The following TCF7L2 variants were observed in gnomAD, a reference collection of about 807,000 sequenced individuals.
TCF7L2 encodes the protein transcription factor 7-like 2.
In TCF7L2, 23 loss-of-function variants were observed where a neutral mutation model predicts 77.9. That is an observed-to-expected ratio of 0.30 (90% CI 0.21 to 0.42). The LOEUF (loss-of-function observed/expected upper bound fraction) is 0.42, where lower values mean the gene tolerates loss of function less well. Among genes scored for constraint, TCF7L2 ranks in the 10% least tolerant of loss-of-function variants. The pLI is 1.00. For synonymous variants in TCF7L2, 413 were observed against 340.2 expected (o/e 1.21, Z -2.36); for missense variants, 654 against 793.1 (o/e 0.82, Z 2.11).
chr10:113,056,920 C>T (rs2055483795), intron 5 of TCF7L2, among the ~76,000 whole-genome samples: 2 of 152,150 alleles, frequency 1.3e-5, no homozygotes, highest in Non-Finnish European at 2.9e-5. Context: ...GCGGTCTCAT[C>T]CAAACATCTC....
chr10:112,989,665 G>T (rs2042177978), intron 4 of TCF7L2, among the ~76,000 whole-genome samples: 1 of 152,204 alleles, frequency 6.6e-6, no homozygotes, highest in African/African-American at 2.4e-5. Flanking sequence ...TTGCTATGGT[G>T]AGGATGGCAG....
Position 112,966,209 on chromosome 10 carries a change from T to TATATA in TCF7L2, c.450+1587_450+1588insATAAT, listed in dbSNP as rs1305413204. On this transcript the variant is annotated intron_variant, in intron 4 of 13. Transcript: ENST00000627217. ...TTATATATATATATATATATATATA[T>TATATA]ATTTTCTTTTCTTGATTACTTCTGC... is the stretch of plus-strand genomic sequence containing the variant. Among the ~76,000 whole-genome samples the TATATA allele has an allele frequency of 6.0e-4, 79 of 131,486 alleles. 1 individual carries two copies. The highest frequency in any genetic ancestry group is 7.5e-4 in the Non-Finnish European group (45 of 60,030). 86.3% of individuals were successfully genotyped at this position (131,486 alleles called of 152,430 possible). A position where few individuals can be genotyped will look rare whatever the true frequency, so the allele number is the denominator to read the frequency against.
At chr10:113,141,547 T>TA (rs1202665934) in intron 6 of TCF7L2, among the ~76,000 whole-genome samples, 2 of 152,192 alleles carry the variant, frequency 1.3e-5, no homozygotes, top group African/African-American at 4.8e-5. Flanking sequence ...TTTGCAGTGT[T>TA]AAAGATCTCT....
chr10:112,984,566 TAA>T (rs957241769), intron 4 of TCF7L2, among the ~76,000 whole-genome samples: 1 of 151,108 alleles, frequency 6.6e-6, no homozygotes, highest in East Asian at 1.9e-4. Flanking sequence ...CCCCTCCCTC[TAA>T]AAAAAAATTA....
At chr10:113,041,091 C>T (rs532170886) in intron 5 of TCF7L2, among the ~76,000 whole-genome samples, 27 of 152,252 alleles carry the variant, frequency 1.8e-4, no homozygotes, top group African/African-American at 6.5e-4. Context: ...TGCATTCTGC[C>T]ATTTTGGGCT....
At chr10:113,154,820 T>A (rs2071509983) in intron 11 of TCF7L2, among the ~76,000 whole-genome samples, 1 of 152,196 alleles carries the variant, frequency 6.6e-6, no homozygotes, top group South Asian at 2.1e-4. Flanking sequence ...CTTTATCTCT[T>A]GTAAGAGGTA....
intron 4 of TCF7L2, among the ~76,000 whole-genome samples, chr10:113,000,073 A>T: frequency 6.6e-6 from 1 of 152,220 alleles, no homozygotes; most frequent in East Asian, 1.9e-4. Context: ...GAAGATGTTC[A>T]TTAGGATATT....
At chr10:113,070,478 G>A (rs1008428364) in intron 5 of TCF7L2, among the ~76,000 whole-genome samples, 1 of 151,750 alleles carries the variant, frequency 6.6e-6, no homozygotes, top group East Asian at 1.9e-4. Flanking sequence ...GCTTGCTATG[G>A]CCCATCTGCG....
At chr10:113,024,262 C>T (rs2048734820) in intron 4 of TCF7L2, among the ~76,000 whole-genome samples, 1 of 152,066 alleles carries the variant, frequency 6.6e-6, no homozygotes, top group Non-Finnish European at 1.5e-5. Context: ...CATGCCACTG[C>T]ACTCCATCCA....
intron 5 of TCF7L2, among the ~76,000 whole-genome samples, chr10:113,076,522 TA>T (rs2058719421): frequency 6.6e-6 from 1 of 152,238 alleles, no homozygotes. Context: ...TTATTTGTTT[TA>T]AGTTATAGCT....
At chr10:112,952,317 CA>C (rs2031927627) in intron 3 of TCF7L2, among the ~76,000 whole-genome samples, 1 of 152,178 alleles carries the variant, frequency 6.6e-6, no homozygotes, top group Non-Finnish European at 1.5e-5. Flanking sequence ...GGTCCCACCG[CA>C]AACTTGGGGG....
chr10:113,146,544 C>T (rs1381218553), intron 8 of TCF7L2, among the ~76,000 whole-genome samples: 1 of 151,788 alleles, frequency 6.6e-6, no homozygotes, highest in East Asian at 1.9e-4. Flanking sequence ...GAAGGTAGCA[C>T]TGTCCAATAG....
intron 4 of TCF7L2, among the ~76,000 whole-genome samples, chr10:113,026,361 A>G (rs1212979360): frequency 6.7e-6 from 1 of 150,126 alleles, no homozygotes; most frequent in Admixed American, 6.6e-5. Flanking sequence ...GAGTTTCAAC[A>G]AGTTGGTCAG....
chr10:113,011,978 T>G (rs976199417), intron 4 of TCF7L2, among the ~76,000 whole-genome samples: 3 of 152,200 alleles, frequency 2.0e-5, no homozygotes, highest in African/African-American at 7.2e-5. Context: ...CTCTTGAGCT[T>G]TACCGCCTCA....
rs372430859 is a variant in TCF7L2 at position 113,151,684 on chromosome 10, G to A, written c.1002-41G>A. 118 of 1,547,038 alleles carry A rather than the reference G, an allele frequency of 7.6e-5. 1 individual carries two copies. In the Middle Eastern group the frequency reaches 1.0e-3, roughly 14 times the overall value. On this transcript the variant is annotated intron_variant, in intron 9 of 13. Coordinates refer to ENST00000627217, the MANE Select transcript of TCF7L2 (RefSeq NM_001146274.2). This position sits in a 1 kb window ranked among gnomAD's most constrained non-coding sequence, Gnocchi z 5.2. The stretch of plus-strand genomic sequence containing the variant: ...CCTGCCATGGAGGAAGTTGGACCAC[G>A]ACCTTGTTTATTGGGTTGCGTCTGT...
At chr10:113,028,564 A>G (rs148899946) in intron 4 of TCF7L2, among the ~76,000 whole-genome samples, 66 of 152,276 alleles carry the variant, frequency 4.3e-4, no homozygotes, top group African/African-American at 1.6e-3. Flanking sequence ...ACAAAAGGAA[A>G]ACGCAGCACG....
At chr10:113,088,117 C>T (rs1278670352) in intron 5 of TCF7L2, among the ~76,000 whole-genome samples, 5 of 151,978 alleles carry the variant, frequency 3.3e-5, no homozygotes, top group African/African-American at 1.2e-4. Flanking sequence ...TTACAATGAA[C>T]ATAAAGGGCA....
chr10:112,953,145 A>C (rs1305696058), intron 3 of TCF7L2, among the ~76,000 whole-genome samples: 1 of 152,112 alleles, frequency 6.6e-6, no homozygotes, highest in Non-Finnish European at 1.5e-5. Context: ...TTAAGCATTA[A>C]AATATTAACT....
chr10:113,007,868 T>G (rs529593854), intron 4 of TCF7L2, among the ~76,000 whole-genome samples: 4 of 152,354 alleles, frequency 2.6e-5, no homozygotes, highest in African/African-American at 9.6e-5. Context: ...GCTATCTGCC[T>G]GCCTTTTGGC....
Sources: gnomAD v4.1 joint callset for allele counts (sites outside exome capture counted in the v4.1 genomes callset) on GRCh38, gnomAD v4.1.1 for gene constraint, Gnocchi (gnomAD v3.1) non-coding constraint, MANE v1.5 for transcripts, NCBI Gene and HGNC (gene_info 2026-07-23, HGNC 2026-07-21) for gene names.